ZNF438: variants seen among roughly 807,000 people sequenced by gnomAD.
ZNF438 encodes the protein zinc finger protein 438.
In ZNF438, 25 loss-of-function variants were observed where a neutral mutation model predicts 38.0. That is an observed-to-expected ratio of 0.66 (90% CI 0.48 to 0.92). The LOEUF (loss-of-function observed/expected upper bound fraction) is 0.92, where lower values mean the gene tolerates loss of function less well. Among genes scored for constraint, ZNF438 ranks in the 40% least tolerant of loss-of-function variants. The pLI, the probability that ZNF438 is intolerant of heterozygous loss-of-function variation, is 0.00. For missense variants in ZNF438, 1,007 were observed against 999.6 expected, an observed-to-expected ratio of 1.01 and a Z score of -0.10; for synonymous variants, 372 against 364.1, an observed-to-expected ratio of 1.02 and a Z score of -0.25.
chr10:30,911,458 T>C (rs2043071988), intron 2 of ZNF438, among the ~76,000 whole-genome samples: 2 of 152,188 alleles, frequency 1.3e-5, no homozygotes, highest in Non-Finnish European at 2.9e-5. Context: ...TGTTTAAAAA[T>C]TTCCACAGAA....
At chr10:30,851,868 T>C (rs1252863356) in intron 4 of ZNF438, among the ~76,000 whole-genome samples, 5 of 151,718 alleles carry the variant, frequency 3.3e-5, no homozygotes, top group African/African-American at 9.7e-5. Context: ...CAATTGAAAA[T>C]GTAAAATCAG....
chr10:30,961,625 G>A (rs1302478623), intron 1 of ZNF438, among the ~76,000 whole-genome samples: 12 of 146,422 alleles, frequency 8.2e-5, no homozygotes, highest in East Asian at 5.8e-4. Flanking sequence ...AGTGGCTCAC[G>A]CCTGTAATCC....
chr10:30,881,097 TCAC>T (rs1249239799), intron 3 of ZNF438, among the ~76,000 whole-genome samples: 1 of 152,204 alleles, frequency 6.6e-6, no homozygotes, highest in Non-Finnish European at 1.5e-5. Context: ...ATATCTATTC[TCAC>T]CACTTCTATT....
intron 1 of ZNF438, among the ~76,000 whole-genome samples, chr10:30,997,304 A>T (rs2054153345): frequency 6.6e-6 from 1 of 152,206 alleles, no homozygotes; most frequent in Non-Finnish European, 1.5e-5. Flanking sequence ...GAAGGTTCTT[A>T]TTAGGAGGAA....
chr10:30,928,786 C>T (rs537013348), intron 2 of ZNF438, among the ~76,000 whole-genome samples: 87 of 152,246 alleles, frequency 5.7e-4, no homozygotes, highest in Middle Eastern at 6.8e-3. Flanking sequence ...CCCCTCATCT[C>T]GTGGAGTTGG....
intron 1 of ZNF438, among the ~76,000 whole-genome samples, chr10:30,949,204 A>G (rs1438326101): frequency 1.3e-5 from 2 of 151,830 alleles, no homozygotes; most frequent in Admixed American, 6.6e-5. Flanking sequence ...AAATGCTGAG[A>G]GATTTTGTCA....
At chr10:31,005,958 A>G (rs1376758362) in intron 1 of ZNF438, among the ~76,000 whole-genome samples, 1 of 152,182 alleles carries the variant, frequency 6.6e-6, no homozygotes, top group East Asian at 1.9e-4. Context: ...AATCTCTCTG[A>G]GCCTAAATCT....
chr10:30,965,390 A>G (rs1387272693), intron 1 of ZNF438, among the ~76,000 whole-genome samples: 1 of 152,202 alleles, frequency 6.6e-6, no homozygotes, highest in East Asian at 1.9e-4. Context: ...TTCTCAAAGA[A>G]CTTAAAAACA....
intron 1 of ZNF438, among the ~76,000 whole-genome samples, chr10:30,982,390 C>T (rs912623542): frequency 6.6e-6 from 1 of 152,078 alleles, no homozygotes; most frequent in Non-Finnish European, 1.5e-5. Context: ...CATCAGCCAC[C>T]GCGCCCGGCC....
At chr10:30,992,781 T>G (rs1166821494) in intron 1 of ZNF438, among the ~76,000 whole-genome samples, 2 of 152,202 alleles carry the variant, frequency 1.3e-5, no homozygotes, top group African/African-American at 4.8e-5. Flanking sequence ...AAGGTCATTC[T>G]GAAGAGGCCT....
chr10:30,953,307 A>G (rs1388260882), intron 1 of ZNF438, among the ~76,000 whole-genome samples: 6 of 152,138 alleles, frequency 3.9e-5, no homozygotes, highest in Admixed American at 2.6e-4. Flanking sequence ...ATGCTAGATG[A>G]CGAGTTAGTG....
At chr10:30,953,716 C>G (rs961677597) in intron 1 of ZNF438, among the ~76,000 whole-genome samples, 3 of 150,474 alleles carry the variant, frequency 2.0e-5, no homozygotes, top group African/African-American at 7.3e-5. Flanking sequence ...CAGAGGTGAG[C>G]AGAAGCTGGA....
At chr10:30,984,675 C>T (rs1170845422) in intron 1 of ZNF438, among the ~76,000 whole-genome samples, 2 of 152,016 alleles carry the variant, frequency 1.3e-5, no homozygotes, top group African/African-American at 4.8e-5. Flanking sequence ...AAAAGAAATG[C>T]CACAATGAAT....
intron 1 of ZNF438, among the ~76,000 whole-genome samples, chr10:30,967,727 G>A (rs1468951506): frequency 2.6e-5 from 4 of 152,146 alleles, no homozygotes; most frequent in Non-Finnish European, 5.9e-5. Flanking sequence ...AGGAAGGAGC[G>A]ATTTCTTGTC....
intron 1 of ZNF438, among the ~76,000 whole-genome samples, chr10:31,023,329 G>C (rs1351188162): frequency 1.3e-5 from 2 of 151,468 alleles, no homozygotes; most frequent in Admixed American, 1.3e-4. Context: ...TCCCAAAAGA[G>C]AAAAAAAATA....
At chr10:30,883,017 ATTC>A (rs1329532482) in intron 3 of ZNF438, among the ~76,000 whole-genome samples, 1 of 152,182 alleles carries the variant, frequency 6.6e-6, no homozygotes, top group Non-Finnish European at 1.5e-5. Flanking sequence ...TGGTTCTTGT[ATTC>A]TTGTCTAATA....
Position 30,901,671 on chromosome 10 carries a change from G to C in ZNF438, c.-32+7262C>G, listed in dbSNP as rs190162091. ...GCAATAGGCGATGGTCTCACCGCTC[G>C]GCGATAGTCTCACCGCTTGGCGATA... On this transcript the variant is annotated intron_variant, in intron 3 of 5. Transcript: ENST00000413025. Among the ~76,000 whole-genome samples the C allele has an allele frequency of 3.9e-5, 6 of 151,918 alleles. No homozygotes were observed. The East Asian group carries it at 9.8e-4, about 25-fold the overall frequency.
intron 1 of ZNF438, among the ~76,000 whole-genome samples, chr10:30,978,705 A>G (rs970020662): frequency 1.3e-5 from 2 of 152,180 alleles, no homozygotes; most frequent in African/African-American, 4.8e-5. Context: ...CTGATATACT[A>G]ACCTAGAGCA....
At chr10:30,872,858 G>A (rs561305151) in intron 4 of ZNF438, among the ~76,000 whole-genome samples, 4 of 152,052 alleles carry the variant, frequency 2.6e-5, no homozygotes, top group African/African-American at 9.6e-5. Context: ...AACCAACTGT[G>A]TAGGAACTTA....
Sources: gnomAD v4.1 joint callset for allele counts (sites outside exome capture counted in the v4.1 genomes callset) on GRCh38, gnomAD v4.1.1 for gene constraint, MANE v1.5 for transcripts, NCBI Gene and HGNC (gene_info 2026-07-23, HGNC 2026-07-21) for gene names.